The following PIGN variants were observed in gnomAD, a reference collection of about 807,000 sequenced individuals.
PIGN encodes GPI ethanolamine phosphate transferase 1.
A neutral mutation model predicts 125.4 loss-of-function variants in PIGN; 117 were observed. That is an observed-to-expected ratio of 0.93 (90% CI 0.80 to 1.09). PIGN has a LOEUF of 1.09. Ranked by LOEUF, PIGN falls within the 50% of genes least tolerant of loss-of-function variation. The probability of loss-of-function intolerance (pLI) is 0.00; values close to 1 mark genes in which losing one functional copy is unlikely to be tolerated. For synonymous variants in PIGN, 392 were observed against 377.8 expected, an observed-to-expected ratio of 1.04 and a Z score of -0.44; for missense variants, 1,075 against 1,094.9, an observed-to-expected ratio of 0.98 and a Z score of 0.26.
At chr18:62,158,751 T>C (rs2036832299) in intron 4 of PIGN, among the ~76,000 whole-genome samples, 1 of 152,180 alleles carries the variant, frequency 6.6e-6, no homozygotes, top group Non-Finnish European at 1.5e-5. Context: ...ATAAAAGCAG[T>C]TTTGGTGAAA....
At chr18:62,087,976 T>C (rs981022828) in intron 25 of PIGN, among the ~76,000 whole-genome samples, 5 of 152,144 alleles carry the variant, frequency 3.3e-5, no homozygotes, top group African/African-American at 1.2e-4. Context: ...TATTGTATTG[T>C]ATACTTGAAA....
chr18:62,125,814 A>G (rs1026226230), intron 14 of PIGN, among the ~76,000 whole-genome samples: 1 of 152,120 alleles, frequency 6.6e-6, no homozygotes, highest in Non-Finnish European at 1.5e-5. Flanking sequence ...TTAAAATGGG[A>G]TGTTAAAGTT....
chr18:62,114,542 A>G lies in PIGN; in HGVS notation c.1251+19T>C. On this transcript the variant is annotated intron_variant, in intron 15 of 30. Coordinates refer to ENST00000640252, the MANE Select transcript of PIGN (RefSeq NM_176787.5). ...AAATGATAATCAGCTATTTATGTCT[A>G]TAAGGCCGGTATACTTACCACTTCA... 7.1e-7 allele frequency: 1 copy of G among 1,412,414 alleles called. No homozygotes were observed. Among genetic ancestry groups the G allele is most frequent in the Non-Finnish European group, 9.8e-7 (1 of 1,019,760 alleles). The allele number at this position is 1,412,414 out of a possible 1,614,324, so 87.5% of individuals were successfully genotyped here.
intron 7 of PIGN, among the ~76,000 whole-genome samples, chr18:62,149,132 T>G (rs1000052621): frequency 6.6e-6 from 1 of 152,190 alleles, no homozygotes; most frequent in Non-Finnish European, 1.5e-5. Flanking sequence ...GTAGAAGATG[T>G]TAACTTTTAA....
At chr18:62,055,657 A>C (rs889585564) in intron 30 of PIGN, among the ~76,000 whole-genome samples, 2 of 152,158 alleles carry the variant, frequency 1.3e-5, no homozygotes, top group African/African-American at 4.8e-5. Flanking sequence ...AATAAGGTAG[A>C]GGGTATAGGA....
At chr18:62,174,253 G>A (rs1166551225) in intron 1 of PIGN, 1 of 149,730 alleles carries the variant, frequency 6.7e-6, no homozygotes, top group Admixed American at 6.7e-5. Context: ...TCTTCTCATT[G>A]TCTGCCTTAG....
At chr18:62,184,327 G>A (rs1384604904) in intron 1 of PIGN, among the ~76,000 whole-genome samples, 1 of 152,144 alleles carries the variant, frequency 6.6e-6, no homozygotes, top group Admixed American at 6.5e-5. Flanking sequence ...ACTATCATTA[G>A]TCAGATGAAA....
rs1417885999 is a variant in PIGN, at chr18:62,154,667, G to A, written c.443-16C>T. On this transcript the variant is annotated splice_polypyrimidine_tract_variant and intron_variant, in intron 6 of 30. Coordinates refer to ENST00000640252, the MANE Select transcript of PIGN (RefSeq NM_176787.5). ...CCACTAGCACCTGAAAAGAAAATTT[G>A]GAAAAAATAATCTTTTTACAAAATC... The A allele has an allele frequency of 3.5e-6, 4 of 1,127,034 alleles. No individual in the cohort carries two copies. The highest frequency in any genetic ancestry group is 4.0e-4 in the Middle Eastern group (2 of 5,046). 69.8% of individuals were successfully genotyped at this position (1,127,034 alleles called of 1,614,324 possible).
At chr18:62,034,342 T>C (rs2030230858) in intron 23 of PIGN, among the ~76,000 whole-genome samples, 1 of 152,170 alleles carries the variant, frequency 6.6e-6, no homozygotes, top group African/African-American at 2.4e-5. Flanking sequence ...CCTCCTGTGT[T>C]GGAGCTCCCA....
At chr18:62,060,662 G>T (rs1029025826) in intron 30 of PIGN, among the ~76,000 whole-genome samples, 2 of 152,098 alleles carry the variant, frequency 1.3e-5, no homozygotes, top group Admixed American at 1.3e-4. Flanking sequence ...TTTCAATAAG[G>T]TATAACAATC....
rs373689063 is a variant in PIGN, at chr18:62,122,397, T to C, written c.1173-7758A>G. Among the ~76,000 whole-genome samples the C allele has an allele frequency of 3.9e-5, 6 of 152,240 alleles. No individual in the cohort carries two copies. In the East Asian group the frequency reaches 1.2e-3, roughly 29 times the overall value. The stretch of plus-strand genomic sequence containing the variant: ...CTTAACTTCCTTATATTATTTTTAT[T>C]TCAATTAATATTTTTTTTATAATAT... On this transcript the variant is annotated intron_variant, in intron 14 of 30. Coordinates refer to ENST00000640252, the MANE Select transcript of PIGN (RefSeq NM_176787.5).
At position 62,135,287 on chromosome 18, in the gene PIGN, T is replaced by C. The variant is rs190820525; in HGVS notation, c.1172+2956A>G. Among the ~76,000 whole-genome samples the C allele has an allele frequency of 2.2e-3, 333 of 152,216 alleles. 1 individual carries two copies. The highest frequency in any genetic ancestry group is 3.4e-3 in the Middle Eastern group (1 of 294). On this transcript the variant is annotated intron_variant, in intron 14 of 30. Coordinates refer to ENST00000640252, the MANE Select transcript of PIGN (RefSeq NM_176787.5). ...CTTGAATTTCATATGACCTCAAGAGTCCATTTCTCATGTTATCTTAGATTT... is the reference window on the plus strand; with the variant it reads ...CTTGAATTTCATATGACCTCAAGAGCCCATTTCTCATGTTATCTTAGATTT...
chr18:62,142,378 G>A (rs923430215), intron 11 of PIGN, among the ~76,000 whole-genome samples: 20 of 152,204 alleles, frequency 1.3e-4, no homozygotes, highest in African/African-American at 4.8e-4. Context: ...ATTATGATCT[G>A]GTCTGGCTAT....
chr18:62,129,641 G>C (rs1003436886), intron 14 of PIGN, among the ~76,000 whole-genome samples: 2 of 152,076 alleles, frequency 1.3e-5, no homozygotes, highest in African/African-American at 4.8e-5. Context: ...CTGTCTATAT[G>C]TTCCCATTAG....
chr18:62,101,648 T>G (rs1482971000), intron 21 of PIGN, among the ~76,000 whole-genome samples: 2 of 152,204 alleles, frequency 1.3e-5, no homozygotes, highest in Non-Finnish European at 2.9e-5. Context: ...CAAAAATGAA[T>G]TTAACTTGTG....
At chr18:62,181,905 T>C (rs575938605) in intron 1 of PIGN, among the ~76,000 whole-genome samples, 114 of 152,106 alleles carry the variant, frequency 7.5e-4, no homozygotes, top group Non-Finnish European at 1.5e-3. Context: ...TTTGTATTTT[T>C]AGTAGAGACA....
intron 23 of PIGN, among the ~76,000 whole-genome samples, chr18:62,033,289 T>C (rs2030217403): frequency 6.6e-6 from 1 of 152,164 alleles, no homozygotes; most frequent in Non-Finnish European, 1.5e-5. Flanking sequence ...GTATGGCTTG[T>C]CTACATAAAA....
rs2036416776 is a variant in PIGN, at chr18:62,148,486, G to A, written c.550-148C>T. On this transcript the variant is annotated intron_variant, in intron 7 of 30. Transcript: ENST00000640252. ...TGTGCTCAAGACCTACCAACACAAC[G>A]TCTTTGCTATCAGTTCAGACATCTA... 4 of 475,542 alleles carry A rather than the reference G, an allele frequency of 8.4e-6. No individual in the cohort carries two copies. In the East Asian group the frequency reaches 1.4e-4, roughly 17 times the overall value. 29.5% of individuals were successfully genotyped at this position (475,542 alleles called of 1,614,324 possible).
chr18:62,034,584 T>G (rs1277443622), intron 23 of PIGN, among the ~76,000 whole-genome samples: 1 of 152,228 alleles, frequency 6.6e-6, no homozygotes, highest in Non-Finnish European at 1.5e-5. Flanking sequence ...GACCTGGATG[T>G]GAGACATGGA....
Sources: allele counts gnomAD v4.1 joint callset (sites outside exome capture counted in the v4.1 genomes callset), GRCh38; gene constraint gnomAD v4.1.1; transcripts MANE v1.5; gene names NCBI Gene and HGNC (gene_info 2026-07-23, HGNC 2026-07-21).